The following RELN variants were observed in gnomAD, a reference collection of about 807,000 sequenced individuals.
The protein encoded by RELN is reelin.
RELN carries 108 observed loss-of-function variants against 427.6 expected under a neutral mutation model. The observed-to-expected ratio is 0.25, with a 90% confidence interval of 0.22 to 0.30. The LOEUF is 0.30. Among genes scored for constraint, RELN ranks in the 10% least tolerant of loss-of-function variants. The probability of loss-of-function intolerance (pLI) is 1.00; values close to 1 mark genes in which losing one functional copy is unlikely to be tolerated. For synonymous variants in RELN, 1,524 were observed against 1,513.4 expected (o/e 1.01, Z -0.16); for missense variants, 3,715 against 4,302.8 (o/e 0.86, Z 3.82).
intron 3 of RELN, among the ~76,000 whole-genome samples, chr7:103,791,209 T>C (rs1792154178): frequency 6.6e-6 from 1 of 152,204 alleles, no homozygotes; most frequent in Non-Finnish European, 1.5e-5. Flanking sequence ...TTCAGCATGA[T>C]ACCTCTCAAA....
intron 2 of RELN, among the ~76,000 whole-genome samples, chr7:103,867,347 G>T (rs939120739): frequency 6.6e-6 from 1 of 150,530 alleles, no homozygotes. Flanking sequence ...ACCCCTAAGA[G>T]AAAGATTAGT....
intron 40 of RELN, 77 bp downstream of exon 40, chr7:103,553,384 C>T: frequency 1.8e-6 from 2 of 1,096,622 alleles, no homozygotes; most frequent in South Asian, 2.6e-5. Flanking sequence ...ATGAAATTAT[C>T]TGAGATTTTC....
intron 1 of RELN, among the ~76,000 whole-genome samples, chr7:103,926,685 C>A (rs1795749538): frequency 7.4e-6 from 1 of 134,608 alleles, no homozygotes; most frequent in Non-Finnish European, 1.5e-5. Context: ...CCCTCTGTCG[C>A]CCAGGCTAGA....
At chr7:103,764,507 T>C (rs1480722886) in intron 4 of RELN, among the ~76,000 whole-genome samples, 1 of 151,786 alleles carries the variant, frequency 6.6e-6, no homozygotes, top group Non-Finnish European at 1.5e-5. Flanking sequence ...AGATGAAAAT[T>C]ATAGGTGTGA....
chr7:103,813,851 A>T (rs1792804097), intron 3 of RELN, among the ~76,000 whole-genome samples: 1 of 152,112 alleles, frequency 6.6e-6, no homozygotes, highest in African/African-American at 2.4e-5. Context: ...ACAAGACTAT[A>T]TCTTCATTCT....
chr7:103,622,378 T>C (rs1832240904), intron 20 of RELN, among the ~76,000 whole-genome samples: 1 of 152,216 alleles, frequency 6.6e-6, no homozygotes, highest in African/African-American at 2.4e-5. Context: ...CCTAAGAACA[T>C]GCAGATGACA....
chr7:103,852,817 A>T (rs1364448747), intron 2 of RELN, among the ~76,000 whole-genome samples: 1 of 152,126 alleles, frequency 6.6e-6, no homozygotes, highest in Non-Finnish European at 1.5e-5. Flanking sequence ...GTAGCAGATT[A>T]TGTACCATAA....
chr7:103,480,960 T>C (rs1192677182), intron 63 of RELN, among the ~76,000 whole-genome samples: 6 of 152,208 alleles, frequency 3.9e-5, no homozygotes, highest in Admixed American at 3.9e-4. Flanking sequence ...TGGAGCTTGA[T>C]GCTGGTAGTT....
chr7:103,658,689 C>CG (rs1833073689), intron 12 of RELN, among the ~76,000 whole-genome samples: 1 of 151,984 alleles, frequency 6.6e-6, no homozygotes, highest in East Asian at 1.9e-4. Context: ...TTCAGTGACA[C>CG]ATTTTTATTT....
intron 17 of RELN, among the ~76,000 whole-genome samples, chr7:103,637,487 T>TA (rs376579651): frequency 5.4e-4 from 82 of 152,290 alleles, no homozygotes; most frequent in African/African-American, 1.9e-3. Context: ...CCATGGAATG[T>TA]AAAAATATGC....
chr7:103,726,940 T>G (rs1318699481), intron 7 of RELN, among the ~76,000 whole-genome samples: 1 of 152,172 alleles, frequency 6.6e-6, no homozygotes, highest in Non-Finnish European at 1.5e-5. Context: ...TGCATCCAAT[T>G]AATTCTGTTT....
At chr7:103,536,778 T>C (rs1830061104) in intron 45 of RELN, among the ~76,000 whole-genome samples, 2 of 152,222 alleles carry the variant, frequency 1.3e-5, no homozygotes, top group Non-Finnish European at 2.9e-5. Flanking sequence ...TTTCTGGCCA[T>C]CTATTCTACA....
At chr7:103,840,809 G>T (rs1793534131) in intron 2 of RELN, among the ~76,000 whole-genome samples, 1 of 152,076 alleles carries the variant, frequency 6.6e-6, no homozygotes, top group Non-Finnish European at 1.5e-5. Flanking sequence ...TTTACATTCT[G>T]CTTTCCCTGC....
chr7:103,819,072 A>G (rs1005525382), intron 3 of RELN, among the ~76,000 whole-genome samples: 6 of 152,260 alleles, frequency 3.9e-5, no homozygotes, highest in Non-Finnish European at 8.8e-5. Context: ...GCGTGTGCAC[A>G]TGTGCAGGTG....
intron 2 of RELN, among the ~76,000 whole-genome samples, chr7:103,892,472 G>A (rs1323439623): frequency 6.6e-6 from 1 of 152,094 alleles, no homozygotes; most frequent in Non-Finnish European, 1.5e-5. Flanking sequence ...TTTCCTCTGT[G>A]ATTTCATACA....
intron 3 of RELN, among the ~76,000 whole-genome samples, chr7:103,800,585 T>C (rs1403492763): frequency 6.6e-6 from 1 of 152,140 alleles, no homozygotes; most frequent in Non-Finnish European, 1.5e-5. Context: ...TAATTCAAGA[T>C]GGATTAAAGA....
chr7:103,616,405 CTTG>C (rs1294699577), intron 20 of RELN, among the ~76,000 whole-genome samples: 1 of 151,832 alleles, frequency 6.6e-6, no homozygotes, highest in Non-Finnish European at 1.5e-5. Flanking sequence ...GGCGGAAAAA[CTTG>C]TTGATGTTGT....
At chr7:103,946,406 CA>C (rs1652844819) in intron 1 of RELN, among the ~76,000 whole-genome samples, 1 of 152,076 alleles carries the variant, frequency 6.6e-6, no homozygotes, top group Admixed American at 6.6e-5. Context: ...GTGAGAAGTT[CA>C]AATTAGTATT....
At chr7:103,664,483 C>T (rs761816295) in intron 11 of RELN, among the ~76,000 whole-genome samples, 10 of 152,146 alleles carry the variant, frequency 6.6e-5, no homozygotes, top group African/African-American at 1.4e-4. Context: ...GGGGTTATCA[C>T]GAAGGAATCT....
Sources: allele counts gnomAD v4.1 joint callset (sites outside exome capture counted in the v4.1 genomes callset), GRCh38; gene constraint gnomAD v4.1.1; transcripts MANE v1.5; gene names NCBI Gene and HGNC (gene_info 2026-07-23, HGNC 2026-07-21).